CPQ: variants seen among roughly 807,000 people sequenced by gnomAD.
CPQ encodes Ser-Met dipeptidase.
In CPQ, 37 loss-of-function variants were observed where a neutral mutation model predicts 45.7. That is an observed-to-expected ratio of 0.81 (90% CI 0.62 to 1.07). The LOEUF (loss-of-function observed/expected upper bound fraction) is 1.07, where lower values mean the gene tolerates loss of function less well. Ranked by LOEUF, CPQ falls within the 50% of genes least tolerant of loss-of-function variation. The probability of loss-of-function intolerance (pLI) is 0.00; values close to 1 mark genes in which losing one functional copy is unlikely to be tolerated. For missense variants in CPQ, 537 were observed against 572.9 expected, an observed-to-expected ratio of 0.94 and a Z score of 0.64; for synonymous variants, 186 against 205.8, an observed-to-expected ratio of 0.90 and a Z score of 0.82.
At chr8:96,831,796 G>A (rs914983921) in intron 2 of CPQ, among the ~76,000 whole-genome samples, 1 of 152,048 alleles carries the variant, frequency 6.6e-6, no homozygotes, top group Admixed American at 6.6e-5. Context: ...CAGAAGAGAT[G>A]CTGTCATCTG....
chr8:96,956,792 AT>A (rs1442352822), intron 4 of CPQ, among the ~76,000 whole-genome samples: 1 of 152,192 alleles, frequency 6.6e-6, no homozygotes, highest in African/African-American at 2.4e-5. Flanking sequence ...CTAAAACAAA[AT>A]ATACTGATGG....
At chr8:96,962,570 T>C (rs1490887468) in intron 4 of CPQ, among the ~76,000 whole-genome samples, 1 of 152,236 alleles carries the variant, frequency 6.6e-6, no homozygotes, top group African/African-American at 2.4e-5. Context: ...CTGTTTTTGT[T>C]TGTTTGTCTA....
intron 7 of CPQ, among the ~76,000 whole-genome samples, chr8:97,115,640 G>T (rs1009586908): frequency 4.6e-5 from 7 of 152,210 alleles, no homozygotes; most frequent in African/African-American, 1.7e-4. Flanking sequence ...AGGAGAAATT[G>T]ATTTCCTTTG....
At chr8:97,138,821 A>G (rs1812105641) in intron 7 of CPQ, among the ~76,000 whole-genome samples, 1 of 152,134 alleles carries the variant, frequency 6.6e-6, no homozygotes. Context: ...ATTAAGATGA[A>G]TATGTAACCT....
rs752150876 is a variant in CPQ, at chr8:97,066,916, C to CTTTTT, written c.1255+731_1255+735dup. Among the ~76,000 whole-genome samples, 27 of 60,396 alleles carry CTTTTT rather than the reference C, an allele frequency of 4.5e-4. 1 individual carries two copies. Among genetic ancestry groups the CTTTTT allele is most frequent in the African/African-American group, 1.5e-3 (25 of 17,170 alleles). The allele number at this position is 60,396 out of a possible 152,430, so 39.6% of individuals were successfully genotyped here. A position where few individuals can be genotyped will look rare whatever the true frequency, so the allele number is the denominator to read the frequency against. ...TACAAGCTGGAACAGCTGGAACAGTCTTTTTTTTTTTTTTTTTTTTTTTTT... is the reference window on the plus strand; with the variant it reads ...TACAAGCTGGAACAGCTGGAACAGTCTTTTTTTTTTTTTTTTTTTTTTTTTTTTTT... On this transcript the variant is annotated intron_variant, in intron 7 of 7. Coordinates refer to ENST00000220763, the MANE Select transcript of CPQ (RefSeq NM_016134.4).
intron 7 of CPQ, among the ~76,000 whole-genome samples, chr8:97,119,102 G>A (rs1023068550): frequency 6.6e-6 from 1 of 152,042 alleles, no homozygotes; most frequent in Non-Finnish European, 1.5e-5. Context: ...GCCAAGGAGG[G>A]TGGATCACCT....
At chr8:96,857,372 A>T (rs1811864898) in intron 3 of CPQ, among the ~76,000 whole-genome samples, 2 of 152,192 alleles carry the variant, frequency 1.3e-5, no homozygotes, top group South Asian at 2.1e-4. Context: ...ACACAGTGAG[A>T]TCTCCTCTTA....
intron 1 of CPQ, among the ~76,000 whole-genome samples, chr8:96,725,147 T>C (rs1268492285): frequency 6.6e-6 from 1 of 152,134 alleles, no homozygotes; most frequent in Non-Finnish European, 1.5e-5. Context: ...AAACCTAGGA[T>C]GTACCATTCT....
intron 1 of CPQ, among the ~76,000 whole-genome samples, chr8:96,734,134 GAA>G (rs761011229): frequency 5.8e-4 from 89 of 152,230 alleles, no homozygotes; most frequent in Admixed American, 1.7e-3. Context: ...GTCCATGCCA[GAA>G]AAAGAGTTAT....
chr8:97,016,218 T>C (rs1284850317), intron 5 of CPQ, among the ~76,000 whole-genome samples: 1 of 152,216 alleles, frequency 6.6e-6, no homozygotes, highest in Non-Finnish European at 1.5e-5. Flanking sequence ...ACAAGAGCTG[T>C]TGATGTATTA....
chr8:96,664,116 G>T (rs1808889027), intron 1 of CPQ, among the ~76,000 whole-genome samples: 1 of 152,172 alleles, frequency 6.6e-6, no homozygotes, highest in African/African-American at 2.4e-5. Context: ...CTCAAGAAAT[G>T]CTAGCTAATA....
chr8:96,914,715 A>G (rs1196724211), intron 4 of CPQ, among the ~76,000 whole-genome samples: 1 of 152,100 alleles, frequency 6.6e-6, no homozygotes, highest in East Asian at 1.9e-4. Flanking sequence ...TTTCAAACCC[A>G]GTTTGCTGAC....
intron 3 of CPQ, among the ~76,000 whole-genome samples, chr8:96,878,811 T>G (rs1812182325): frequency 2.6e-5 from 4 of 152,180 alleles, no homozygotes; most frequent in Admixed American, 1.3e-4. Context: ...TCTGTAAATA[T>G]GAGACAAGCT....
chr8:96,788,996 T>G (rs1417790652), intron 2 of CPQ, among the ~76,000 whole-genome samples: 2 of 152,114 alleles, frequency 1.3e-5, no homozygotes, highest in African/African-American at 2.4e-5. Flanking sequence ...AAAAATAATT[T>G]CTGTGTCTTT....
chr8:96,917,836 A>G (rs1014328062), intron 4 of CPQ, among the ~76,000 whole-genome samples: 1 of 152,262 alleles, frequency 6.6e-6, no homozygotes, highest in South Asian at 2.1e-4. Context: ...TAAGATCCCA[A>G]TAGTGAAAAT....
At position 97,125,588 on chromosome 8, in the gene CPQ, G is replaced by A. The variant is rs527919219; in HGVS notation, c.1256-17432G>A. ...AAGGTTGGTTTAATATTTTTAAATC[G>A]ATCAATATAATTTACCACATTAACA... is the stretch of plus-strand genomic sequence containing the variant. On this transcript the variant is annotated intron_variant, in intron 7 of 7. Coordinates refer to ENST00000220763, the MANE Select transcript of CPQ (RefSeq NM_016134.4). 1.6e-4 allele frequency among the ~76,000 whole-genome samples: 25 copies of A among 152,102 alleles called. No homozygotes were observed. The South Asian group carries it at 2.7e-3, about 16-fold the overall frequency.
chr8:96,680,945 A>G (rs966147247), intron 1 of CPQ, among the ~76,000 whole-genome samples: 2 of 152,152 alleles, frequency 1.3e-5, no homozygotes, highest in Non-Finnish European at 2.9e-5. Context: ...AGATCTGTGG[A>G]ACTTTGAACT....
chr8:96,730,435 G>A lies in CPQ; in HGVS notation c.-34-54429G>A, dbSNP rs560319337. Among the ~76,000 whole-genome samples the A allele has an allele frequency of 7.2e-5, 11 of 152,238 alleles. No homozygotes were observed. The East Asian group carries it at 2.1e-3, about 29-fold the overall frequency. ...CATATTTGGGATAAACAACTGCAGAGGACCAAGAGTCTTGGGAGAAGCTGA... is the reference window on the plus strand; with the variant it reads ...CATATTTGGGATAAACAACTGCAGAAGACCAAGAGTCTTGGGAGAAGCTGA... On this transcript the variant is annotated intron_variant, in intron 1 of 7. Coordinates refer to ENST00000220763, the MANE Select transcript of CPQ (RefSeq NM_016134.4).
intron 4 of CPQ, among the ~76,000 whole-genome samples, chr8:96,955,706 C>T (rs1278322415): frequency 5.3e-5 from 8 of 152,144 alleles, no homozygotes; most frequent in African/African-American, 1.9e-4. Flanking sequence ...ACAGAGCCCT[C>T]AGAAACAATG....
Sources: allele counts gnomAD v4.1 joint callset (sites outside exome capture counted in the v4.1 genomes callset), GRCh38; gene constraint gnomAD v4.1.1; transcripts MANE v1.5; gene names NCBI Gene and HGNC (gene_info 2026-07-23, HGNC 2026-07-21).